Variants in MYO16 observed in about 807,000 individuals in gnomAD.
MYO16 encodes myosin XVI, also known as unconventional myosin-XVI.
A neutral mutation model predicts 205.3 loss-of-function variants in MYO16; 94 were observed. The observed-to-expected ratio is 0.46, with a 90% CI of 0.39 to 0.54. The LOEUF is 0.54. MYO16 is among the 20% of genes least tolerant of loss of function. MYO16 has a pLI of 0.00. For synonymous variants in MYO16, 988 were observed against 954.0 expected, an observed-to-expected ratio of 1.04 and a Z score of -0.66; for missense variants, 2,315 against 2,387.5, an observed-to-expected ratio of 0.97 and a Z score of 0.63.
At chr13:108,557,590 T>C in the MYO16 span, among the ~76,000 whole-genome samples, 1 of 152,218 alleles carries the variant, frequency 6.6e-6, no homozygotes, top group Non-Finnish European at 1.5e-5. Context: ...ACTGGGTCCT[T>C]GAACCACAGT....
intron 4 of MYO16, among the ~76,000 whole-genome samples, chr13:108,760,387 T>C (rs1246696868): frequency 2.0e-5 from 3 of 151,914 alleles, no homozygotes; most frequent in African/African-American, 7.2e-5. Flanking sequence ...ACATGCCTCT[T>C]GCTTCTGTTA....
At chr13:108,737,274 T>C (rs1884737436) in intron 4 of MYO16, among the ~76,000 whole-genome samples, 1 of 152,194 alleles carries the variant, frequency 6.6e-6, no homozygotes, top group Admixed American at 6.5e-5. Context: ...GGCTGTGGGC[T>C]TGTCATAAAT....
intron 4 of MYO16, among the ~76,000 whole-genome samples, chr13:108,771,051 C>T (rs1348790908): frequency 1.3e-5 from 2 of 151,994 alleles, no homozygotes; most frequent in African/African-American, 4.8e-5. Flanking sequence ...ATGCTAATGG[C>T]GTATTTTCTG....
intron 15 of MYO16, among the ~76,000 whole-genome samples, chr13:108,901,440 G>A (rs1880702907): frequency 6.6e-6 from 1 of 152,140 alleles, no homozygotes; most frequent in Non-Finnish European, 1.5e-5. Flanking sequence ...GACTCTTAGG[G>A]AAATTAGAAA....
At chr13:108,800,361 C>T (rs1414452071) in intron 6 of MYO16, among the ~76,000 whole-genome samples, 1 of 152,176 alleles carries the variant, frequency 6.6e-6, no homozygotes, top group Non-Finnish European at 1.5e-5. Context: ...TTGATACCTA[C>T]ACACAGTGGG....
chr13:108,816,306 G>A (rs1053556492), intron 7 of MYO16, among the ~76,000 whole-genome samples: 23 of 152,072 alleles, frequency 1.5e-4, no homozygotes, highest in African/African-American at 4.6e-4. Flanking sequence ...AGAATATGAC[G>A]AGGCAAGCCA....
intron 23 of MYO16, among the ~76,000 whole-genome samples, chr13:109,024,108 C>T (rs576030204): frequency 1.7e-4 from 25 of 147,758 alleles, no homozygotes; most frequent in African/African-American, 5.9e-4. Context: ...AAAATGTATA[C>T]ATTTTAAATA....
the MYO16 span, among the ~76,000 whole-genome samples, chr13:108,571,926 CTT>C: frequency 2.1e-5 from 3 of 142,584 alleles, no homozygotes; most frequent in Non-Finnish European, 1.5e-5. Flanking sequence ...GCTGTTTTTT[CTT>C]TTTTTTTTTT....
intron 2 of MYO16, among the ~76,000 whole-genome samples, chr13:108,674,461 G>A (rs1021154802): frequency 7.2e-5 from 11 of 152,180 alleles, no homozygotes; most frequent in African/African-American, 2.7e-4. Context: ...ATCTGGGCTG[G>A]CACTGTTTCC....
At chr13:109,149,236 T>C (rs537499320) in intron 32 of MYO16, among the ~76,000 whole-genome samples, 75 of 152,290 alleles carry the variant, frequency 4.9e-4, no homozygotes, top group African/African-American at 1.8e-3. Flanking sequence ...TACTCAGATA[T>C]ACACTGTGAC....
At chr13:108,548,492 AGTTGT>A in the MYO16 span, among the ~76,000 whole-genome samples, 7 of 150,266 alleles carry the variant, frequency 4.7e-5, no homozygotes, top group Non-Finnish European at 7.4e-5. Flanking sequence ...TGCTGGTGGT[AGTTGT>A]GTTGGTAATA....
intron 2 of MYO16, among the ~76,000 whole-genome samples, chr13:108,681,170 C>G (rs1299316997): frequency 1.3e-5 from 2 of 152,184 alleles, no homozygotes; most frequent in Non-Finnish European, 1.5e-5. Context: ...CTTCTCTTTC[C>G]CACATGTGTG....
intron 33 of MYO16, chr13:109,166,780 A>C (rs532420728): frequency 6.6e-6 from 1 of 152,362 alleles, no homozygotes; most frequent in East Asian, 1.9e-4. Flanking sequence ...AGTGTCTTTC[A>C]ACTGATGACT....
chr13:108,767,753 A>G (rs1249359738), intron 4 of MYO16, among the ~76,000 whole-genome samples: 1 of 152,050 alleles, frequency 6.6e-6, no homozygotes, highest in Admixed American at 6.5e-5. Flanking sequence ...CTCCCTTCCT[A>G]TTTTATTCCA....
intron 23 of MYO16, among the ~76,000 whole-genome samples, chr13:109,023,445 A>C (rs1306983205): frequency 4.1e-5 from 4 of 96,464 alleles, no homozygotes; most frequent in African/African-American, 1.9e-4. Flanking sequence ...TATTATACAG[A>C]TATAAATATA....
intron 1 of MYO16, among the ~76,000 whole-genome samples, chr13:108,604,359 G>A (rs1878874426): frequency 6.6e-6 from 1 of 152,124 alleles, no homozygotes; most frequent in South Asian, 2.1e-4. Flanking sequence ...TTCCTTTTGG[G>A]AAGGCCAGGC....
At chr13:108,816,741 C>A (rs1875634231) in intron 7 of MYO16, among the ~76,000 whole-genome samples, 1 of 152,190 alleles carries the variant, frequency 6.6e-6, no homozygotes, top group South Asian at 2.1e-4. Flanking sequence ...TTTCAGGATG[C>A]CTGTCCGCTG....
intron 28 of MYO16, among the ~76,000 whole-genome samples, chr13:109,114,434 C>A (rs537201979): frequency 5.9e-5 from 9 of 152,312 alleles, no homozygotes; most frequent in African/African-American, 1.9e-4. Flanking sequence ...TTATCTCTGG[C>A]ACTAACTTTC....
intron 15 of MYO16, among the ~76,000 whole-genome samples, chr13:108,905,639 A>G (rs1199500035): frequency 1.3e-5 from 2 of 152,160 alleles, no homozygotes; most frequent in Admixed American, 1.3e-4. Context: ...TTCACCAAAA[A>G]CAGGTTGAAG....
Sources: allele counts gnomAD v4.1 joint callset (sites outside exome capture counted in the v4.1 genomes callset), GRCh38; gene constraint gnomAD v4.1.1; transcripts MANE v1.5; gene names NCBI Gene and HGNC (gene_info 2026-07-23, HGNC 2026-07-21).